Variants in FERMT1 observed in about 807,000 individuals in gnomAD.
FERMT1 encodes the protein FERM domain containing kindlin 1.
FERMT1 carries 60 observed loss-of-function variants against 85.3 expected under a neutral mutation model. The ratio of observed to expected loss-of-function variants is 0.70; its 90% CI spans 0.57 to 0.87. FERMT1 has a LOEUF of 0.87. Among genes scored for constraint, FERMT1 ranks in the 40% least tolerant of loss-of-function variants. The probability of loss-of-function intolerance (pLI) is 0.00; values close to 1 mark genes in which losing one functional copy is unlikely to be tolerated. For synonymous variants in FERMT1, 275 were observed against 301.1 expected, an observed-to-expected ratio of 0.91 and a Z score of 0.90; for missense variants, 701 against 818.9, an observed-to-expected ratio of 0.86 and a Z score of 1.76.
chr20:6,076,658 G>A lies in FERMT1; in HGVS notation c.*515C>T, dbSNP rs1446653837. 1 of 336,990 alleles carries A rather than the reference G, an allele frequency of 3.0e-6. No individual in the cohort carries two copies. The highest frequency in any genetic ancestry group is 7.8e-5 in the East Asian group (1 of 12,858). 20.9% of individuals were successfully genotyped at this position (336,990 alleles called of 1,614,324 possible). A position where few individuals can be genotyped will look rare whatever the true frequency, so the allele number is the denominator to read the frequency against. ...TTCTACCCCTAGACCTTGGCCTCCA[G>A]GGAAAAAGTGTGTGTAGGAACTCCC... On this transcript the variant is annotated 3_prime_UTR_variant, in exon 15 of 15. Coordinates refer to ENST00000217289, the MANE Select transcript of FERMT1 (RefSeq NM_017671.5).
chr20:6,119,493 G>A lies in FERMT1; in HGVS notation c.62C>T (p.Pro21Leu). The A allele has an allele frequency of 6.2e-7, 1 of 1,614,126 alleles. No individual in the cohort carries two copies. The highest frequency in any genetic ancestry group is 8.5e-7 in the Non-Finnish European group (1 of 1,179,996). The change falls in exon 2 of 15, where the codon CCC becomes CTC. Residue 21 changes from proline (P) to leucine (L), a missense_variant. Physicochemically the swap from Pro to Leu is moderately conservative, Grantham distance 98. Transcript: ENST00000217289. Reference protein sequence around the residue: ...SWELVVRVDHPNEEQQKDVTL... With the variant: ...SWELVVRVDHLNEEQQKDVTL... Reference sequence around the variant, plus strand: ...GACGTCTTTCTGCTGCTCTTCATTGGGATGGTCAACGCGGACCACAAGCTC... The same window carrying A: ...GACGTCTTTCTGCTGCTCTTCATTGAGATGGTCAACGCGGACCACAAGCTC...
intron 11 of FERMT1, among the ~76,000 whole-genome samples, chr20:6,087,002 C>T (rs1462143753): frequency 6.6e-6 from 1 of 152,132 alleles, no homozygotes. Flanking sequence ...AATTCCCATC[C>T]CTTGACTGCA....
At chr20:6,112,655 A>C (rs758097815) in intron 3 of FERMT1, 32 bp from the exon 4 acceptor site, 4 of 1,432,466 alleles carry the variant, frequency 2.8e-6, no homozygotes, top group Admixed American at 2.2e-5. Flanking sequence ...AAATGAAGAA[A>C]AAGTAAAAAG....
At chr20:6,110,620 C>G (rs1200167800) in intron 4 of FERMT1, 109 bp from the exon 5 acceptor site, 5 of 927,702 alleles carry the variant, frequency 5.4e-6, no homozygotes, top group Non-Finnish European at 7.0e-6. Context: ...TTAAATTTGG[C>G]ACCATTTAAA....
At chr20:6,080,310 TTGTG>T (rs141032092) in intron 13 of FERMT1, among the ~76,000 whole-genome samples, 2 of 151,688 alleles carry the variant, frequency 1.3e-5, no homozygotes, top group South Asian at 4.2e-4. Context: ...CCTTCAGATT[TTGTG>T]TGTGTGTGTG....
At chr20:6,096,183 C>T (rs1253188158) in intron 8 of FERMT1, among the ~76,000 whole-genome samples, 1 of 152,200 alleles carries the variant, frequency 6.6e-6, no homozygotes, top group Non-Finnish European at 1.5e-5. Context: ...TCAAGCTTGT[C>T]TGGTTGAAAT....
chr20:6,099,404 GA>G (rs200572377), intron 6 of FERMT1, among the ~76,000 whole-genome samples: 13,023 of 111,618 alleles, frequency 0.12, 671 homozygotes, highest in Middle Eastern at 0.27. Context: ...AGACTGTCTC[GA>G]AAAAAAAAAA....
chr20:6,095,940 T>C (rs1165172265), intron 8 of FERMT1, among the ~76,000 whole-genome samples: 1 of 152,252 alleles, frequency 6.6e-6, no homozygotes, highest in Non-Finnish European at 1.5e-5. Flanking sequence ...TCTGATTCAA[T>C]GTGATTAATA....
chr20:6,091,006 A>G (rs1982340236), intron 9 of FERMT1, among the ~76,000 whole-genome samples: 1 of 151,634 alleles, frequency 6.6e-6, no homozygotes, highest in South Asian at 2.1e-4. Flanking sequence ...TCTACTAAAA[A>G]TACAAAAATT....
intron 9 of FERMT1, among the ~76,000 whole-genome samples, chr20:6,089,509 C>A (rs926437136): frequency 6.6e-6 from 1 of 152,184 alleles, no homozygotes; most frequent in East Asian, 1.9e-4. Flanking sequence ...GAGGAACCGA[C>A]ATGAATCTGG....
Position 6,084,117 on chromosome 20 carries a change from G to A in FERMT1, c.1641C>T (p.Pro547=), listed in dbSNP as rs955344029. 1 of 1,613,776 alleles carries A rather than the reference G, an allele frequency of 6.2e-7. No individual in the cohort carries two copies. The highest frequency in any genetic ancestry group is 2.2e-5 in the East Asian group (1 of 44,876). ...LEAHQNVAQM[P]LVEAKLRFIQ... The stretch of plus-strand genomic sequence containing the variant: ...TGAACCGCAGCTTGGCTTCGACCAG[G>A]GGCATCTGGGCCACGTTCTGGTGCG... The change falls in exon 13 of 15, where the codon CCC becomes CCT. Residue 547 remains proline, a synonymous_variant. Coordinates refer to ENST00000217289, the MANE Select transcript of FERMT1 (RefSeq NM_017671.5).
intron 6 of FERMT1, among the ~76,000 whole-genome samples, chr20:6,107,151 G>A (rs1157459428): frequency 2.7e-5 from 4 of 148,096 alleles, no homozygotes; most frequent in Non-Finnish European, 4.4e-5. Flanking sequence ...AGCCAAGATC[G>A]TGCCACTGCA....
At position 6,088,988 on chromosome 20, in the gene FERMT1, G is replaced by A. The variant is rs746370433; in HGVS notation, c.1241C>T (p.Pro414Leu). ...ACCTCTAAGATTTAGTTTTTCTAGT[G>A]GTTCTCCTTGTTCAAGTTCCTTATT... The part of the protein sequence containing the change: ...FKNKELEQGE[P>L]LEKLNLRGCE... Residue 414 changes from proline (P) to leucine (L), a missense_variant, in exon 10 of 15, where the codon CCA becomes CTA. Transcript: ENST00000217289. The A allele has an allele frequency of 2.5e-6, 4 of 1,612,022 alleles. No homozygotes were observed. Among genetic ancestry groups the A allele is most frequent in the Non-Finnish European group, 3.4e-6 (4 of 1,178,602 alleles).
chr20:6,076,855 C>T lies in FERMT1; in HGVS notation c.*318G>A, dbSNP rs1454884794. 2 of 444,350 alleles carry T rather than the reference C, an allele frequency of 4.5e-6. No homozygotes were observed. Among genetic ancestry groups the T allele is most frequent in the South Asian group, 2.2e-5 (1 of 44,448 alleles). The allele number at this position is 444,350 out of a possible 1,614,324, so 27.5% of individuals were successfully genotyped here. A position where few individuals can be genotyped will look rare whatever the true frequency, so the allele number is the denominator to read the frequency against. On this transcript the variant is annotated 3_prime_UTR_variant, in exon 15 of 15. Coordinates refer to ENST00000217289, the MANE Select transcript of FERMT1 (RefSeq NM_017671.5). ...GATCAGCACGAGGATAACTTGTAGC[C>T]ATACACCTGGCAGGTTCTGCAAGTC...
chr20:6,078,649 T>G (rs1240762364), intron 14 of FERMT1, among the ~76,000 whole-genome samples: 10 of 137,934 alleles, frequency 7.2e-5, no homozygotes, highest in East Asian at 2.9e-4. Flanking sequence ...TTTTTTTGTT[T>G]TTTTTTTTTT....
At position 6,101,970 on chromosome 20, in the gene FERMT1, A is replaced by T. The variant is rs540412468; in HGVS notation, c.850-4339T>A. On this transcript the variant is annotated intron_variant, in intron 6 of 14. Transcript: ENST00000217289. The stretch of plus-strand genomic sequence containing the variant: ...TGTGCCCGCCCTATGTTTGAGTTTT[A>T]AAAAATTAATTTAATTGTGGTAAAA... Among the ~76,000 whole-genome samples, 7 of 152,086 alleles carry T rather than the reference A, an allele frequency of 4.6e-5. No individual in the cohort carries two copies. The East Asian group carries it at 1.4e-3, about 29-fold the overall frequency.
At chr20:6,097,481 T>C in intron 7 of FERMT1, 43 bp downstream of exon 7, 1 of 1,380,558 alleles carries the variant, frequency 7.2e-7, no homozygotes, top group Non-Finnish European at 1.0e-6. Context: ...AGAACAAACT[T>C]GGTTTGTCTC....
At chr20:6,105,101 A>C (rs956917879) in intron 6 of FERMT1, among the ~76,000 whole-genome samples, 1 of 152,178 alleles carries the variant, frequency 6.6e-6, no homozygotes, top group Non-Finnish European at 1.5e-5. Flanking sequence ...CAAAGAAAGT[A>C]CCAGATGCAG....
At chr20:6,111,395 G>T (rs1982945025) in intron 4 of FERMT1, among the ~76,000 whole-genome samples, 1 of 152,014 alleles carries the variant, frequency 6.6e-6, no homozygotes, top group Non-Finnish European at 1.5e-5. Flanking sequence ...ATTTTGGGTG[G>T]CTGAGGCAGG....
Sources: gnomAD v4.1 joint callset for allele counts (sites outside exome capture counted in the v4.1 genomes callset) on GRCh38, gnomAD v4.1.1 for gene constraint, MANE v1.5 for transcripts, NCBI Gene and HGNC (gene_info 2026-07-23, HGNC 2026-07-21) for gene names.